Variants in RMDN1 observed in about 807,000 individuals in gnomAD.
RMDN1 encodes the protein regulator of microtubule dynamics 1.
Under a neutral mutation model 48.9 loss-of-function variants are expected in RMDN1, and 48 were observed. The ratio of observed to expected loss-of-function variants is 0.98; its 90% confidence interval spans 0.78 to 1.25. RMDN1 has a LOEUF of 1.25. RMDN1 is among the 50% of genes most tolerant of loss of function. The pLI is 0.00. For synonymous variants in RMDN1, 148 were observed against 132.6 expected, an observed-to-expected ratio of 1.12 and a Z score of -0.80; for missense variants, 418 against 373.4, an observed-to-expected ratio of 1.12 and a Z score of -0.98.
chr8:86,505,893 T>C (rs1819256175), intron 2 of RMDN1, among the ~76,000 whole-genome samples: 1 of 152,230 alleles, frequency 6.6e-6, no homozygotes. Context: ...ATAAAAGTCA[T>C]ATGCCTACAT....
At chr8:86,486,728 G>T in intron 3 of RMDN1, 85 bp from the exon 4 acceptor site, 1 of 1,006,562 alleles carries the variant, frequency 9.9e-7, no homozygotes, top group Non-Finnish European at 1.4e-6. Context: ...ATACATTATG[G>T]TCTTTCAGCT....
intron 8 of RMDN1, among the ~76,000 whole-genome samples, chr8:86,475,960 T>C (rs985979797): frequency 1.4e-4 from 22 of 152,158 alleles, no homozygotes; most frequent in African/African-American, 5.3e-4. Context: ...GTCCACATCT[T>C]CTCAGAATGT....
chr8:86,487,713 T>C (rs141475346), intron 3 of RMDN1, among the ~76,000 whole-genome samples: 163 of 152,272 alleles, frequency 1.1e-3, no homozygotes, highest in African/African-American at 3.7e-3. Context: ...TTAAGATAGT[T>C]ATCATTCAAT....
exon 1 of RMDN1, chr8:86,514,291 C>A: frequency 1.0e-6 from 1 of 985,098 alleles, no homozygotes; most frequent in Non-Finnish European, 1.2e-6. Context: ...CCAGAATGGC[C>A]TCGAAGCGCC....
chr8:86,509,577 T>G (rs771347638), upstream of RMDN1, among the ~76,000 whole-genome samples: 6 of 152,210 alleles, frequency 3.9e-5, no homozygotes, highest in Non-Finnish European at 7.3e-5. Flanking sequence ...TCTATGGTAC[T>G]TTTAATACTG....
Position 86,473,055 on chromosome 8 carries a change from A to G in RMDN1, c.*1253T>C. 2 of 937,322 alleles carry G rather than the reference A, an allele frequency of 2.1e-6. No individual in the cohort carries two copies. The highest frequency in any genetic ancestry group is 2.5e-6 in the Non-Finnish European group (2 of 786,366). 58.1% of individuals were successfully genotyped at this position (937,322 alleles called of 1,614,324 possible). On this transcript the variant is annotated 3_prime_UTR_variant, in exon 10 of 10. Transcript: ENST00000406452. Reference sequence around the variant, plus strand: ...AACATCCCAAATCCAAGATGCTTCTACTAGTCCCAAGTATTTCAGATAAGG... The same window carrying G: ...AACATCCCAAATCCAAGATGCTTCTGCTAGTCCCAAGTATTTCAGATAAGG...
At chr8:86,488,124 T>A (rs1323347059) in intron 3 of RMDN1, among the ~76,000 whole-genome samples, 3 of 152,166 alleles carry the variant, frequency 2.0e-5, no homozygotes, top group African/African-American at 7.2e-5. Flanking sequence ...TGAAAGACTA[T>A]CCTTCTAAAG....
At chr8:86,506,731 T>C (rs973030146) in intron 2 of RMDN1, among the ~76,000 whole-genome samples, 3 of 152,130 alleles carry the variant, frequency 2.0e-5, no homozygotes, top group Admixed American at 2.0e-4. Flanking sequence ...AGACTTCAAA[T>C]AAAAATGCAC....
At chr8:86,502,668 A>C (rs1325792172) in intron 2 of RMDN1, among the ~76,000 whole-genome samples, 1 of 152,202 alleles carries the variant, frequency 6.6e-6, no homozygotes, top group East Asian at 1.9e-4. Flanking sequence ...AAATCTATCT[A>C]TCTCAAAGTA....
chr8:86,469,431 G>C (rs1032306624), downstream of RMDN1, among the ~76,000 whole-genome samples: 2 of 151,882 alleles, frequency 1.3e-5, no homozygotes, highest in Non-Finnish European at 2.9e-5. Context: ...TACCTGAGTG[G>C]AAAACTCTTG....
chr8:86,481,644 A>G (rs1360617170), intron 5 of RMDN1: 2 of 353,068 alleles, frequency 5.7e-6, no homozygotes, highest in East Asian at 8.0e-5. Context: ...AAGGAAGGAG[A>G]AGACCTAAGA....
intron 2 of RMDN1, among the ~76,000 whole-genome samples, chr8:86,503,371 C>CAAAAAAAAAAAAAAAAAACAAAAA (rs1563656256): frequency 1.5e-5 from 1 of 68,038 alleles, no homozygotes; most frequent in East Asian, 4.2e-4. Context: ...CAAAACAAAA[C>CAAAAAAAAAAAAAAAAAACAAAAA]AAAAAAAAAA....
At chr8:86,508,379 C>A in intron 1 of RMDN1, 113 bp downstream of exon 1, 2 of 1,218,468 alleles carry the variant, frequency 1.6e-6, no homozygotes, top group Non-Finnish European at 2.2e-6. Flanking sequence ...CGAGTTCTTT[C>A]CTCGGTTCAC....
At chr8:86,480,187 A>T (rs1013721974) in intron 6 of RMDN1, 90 bp downstream of exon 6, 1 of 626,764 alleles carries the variant, frequency 1.6e-6, no homozygotes, top group Non-Finnish European at 2.7e-6. Flanking sequence ...AAAATATTTA[A>T]TATCTTTTAT....
At chr8:86,482,667 A>G in intron 5 of RMDN1, 1 of 846,534 alleles carries the variant, frequency 1.2e-6, no homozygotes, top group Middle Eastern at 2.5e-4. Flanking sequence ...CGCAGTCGGA[A>G]AAAGACTTTA....
chr8:86,504,939 G>A, intron 2 of RMDN1: 4 of 1,263,932 alleles, frequency 3.2e-6, no homozygotes, highest in Non-Finnish European at 3.5e-6. Flanking sequence ...TGAGACCCAT[G>A]GCAGGGCTTT....
intron 2 of RMDN1, among the ~76,000 whole-genome samples, chr8:86,500,300 T>C (rs1274561517): frequency 1.3e-5 from 2 of 151,904 alleles, no homozygotes; most frequent in Admixed American, 6.6e-5. Context: ...AGGTCTAATA[T>C]CCAGAATCTA....
intron 5 of RMDN1, chr8:86,481,700 A>T: frequency 4.0e-6 from 2 of 498,038 alleles, no homozygotes; most frequent in Non-Finnish European, 7.0e-6. Flanking sequence ...TGGCCCCACC[A>T]ATGGTCTCTG....
chr8:86,470,119 C>CTACTCATATCCTCAAAAGGAAGG, downstream of RMDN1: 1 of 1,247,992 alleles, frequency 8.0e-7, no homozygotes. Flanking sequence ...AATCAGTATT[C>CTACTCATATCCTCAAAAGGAAGG]TACTCATATC....
Sources: allele counts gnomAD v4.1 joint callset (sites outside exome capture counted in the v4.1 genomes callset), GRCh38; gene constraint gnomAD v4.1.1; transcripts MANE v1.5; gene names NCBI Gene and HGNC (gene_info 2026-07-23, HGNC 2026-07-21).